RANBP17: variants seen among roughly 807,000 people sequenced by gnomAD.
RANBP17 encodes the protein RAN binding protein 17.
Under a neutral mutation model 141.2 loss-of-function variants are expected in RANBP17, and 158 were observed. The ratio of observed to expected loss-of-function variants is 1.12; its 90% CI spans 0.98 to 1.28. The LOEUF is 1.28. Ranked by LOEUF, RANBP17 falls within the 50% of genes most tolerant of loss-of-function variation. RANBP17 has a pLI of 0.00. For missense variants in RANBP17, 1,438 were observed against 1,290.7 expected, an observed-to-expected ratio of 1.11 and a Z score of -1.75; for synonymous variants, 430 against 450.0, an observed-to-expected ratio of 0.96 and a Z score of 0.56.
chr5:170,935,839 T>G (rs1244400502), intron 12 of RANBP17, among the ~76,000 whole-genome samples: 3 of 152,210 alleles, frequency 2.0e-5, no homozygotes, highest in African/African-American at 7.2e-5. Context: ...CAGGGACGTT[T>G]AAGTCTGCAG....
intron 24 of RANBP17, among the ~76,000 whole-genome samples, chr5:171,263,102 C>A (rs542152582): frequency 4.6e-5 from 7 of 152,310 alleles, no homozygotes; most frequent in African/African-American, 1.7e-4. Context: ...GCTACTCATT[C>A]TTTAATTAAT....
intron 14 of RANBP17, chr5:170,968,710 T>C: frequency 4.3e-6 from 2 of 461,818 alleles, no homozygotes; most frequent in South Asian, 3.1e-5. Flanking sequence ...GTTCCAGGGT[T>C]TTTTGGACAC....
At chr5:171,190,064 C>T (rs546525704) in intron 18 of RANBP17, among the ~76,000 whole-genome samples, 34 of 152,018 alleles carry the variant, frequency 2.2e-4, no homozygotes, top group Non-Finnish European at 4.6e-4. Context: ...CACCTACTTT[C>T]TTGCAAAAGT....
At chr5:170,920,474 A>C (rs1772349312) in intron 11 of RANBP17, among the ~76,000 whole-genome samples, 1 of 151,096 alleles carries the variant, frequency 6.6e-6, no homozygotes, top group Non-Finnish European at 1.5e-5. Flanking sequence ...GTGCTAGTCA[A>C]ATCCATTTCC....
At chr5:171,064,851 A>G (rs1349503620) in intron 14 of RANBP17, among the ~76,000 whole-genome samples, 5 of 152,090 alleles carry the variant, frequency 3.3e-5, no homozygotes, top group Non-Finnish European at 7.4e-5. Context: ...GGATTTCTAT[A>G]GGTTGATTTT....
chr5:171,043,700 A>G (rs1782393434), intron 14 of RANBP17, among the ~76,000 whole-genome samples: 1 of 152,178 alleles, frequency 6.6e-6, no homozygotes, highest in Non-Finnish European at 1.5e-5. Context: ...CTTTATATGT[A>G]TGTAACTAGA....
chr5:171,281,540 G>A (rs1767862414), intron 25 of RANBP17, among the ~76,000 whole-genome samples: 2 of 152,136 alleles, frequency 1.3e-5, no homozygotes, highest in Admixed American at 6.6e-5. Flanking sequence ...CATGAGCCCT[G>A]AAGGCCGCAG....
intron 14 of RANBP17, among the ~76,000 whole-genome samples, chr5:171,110,442 A>G (rs528415477): frequency 6.6e-6 from 1 of 152,024 alleles, no homozygotes. Flanking sequence ...CTCACCGTTC[A>G]CTAGCCCTTT....
intron 14 of RANBP17, among the ~76,000 whole-genome samples, chr5:171,055,792 A>T (rs1783305462): frequency 6.7e-6 from 1 of 149,428 alleles, no homozygotes. Context: ...TTGGCTCTGT[A>T]AGTCAAGTTT....
At chr5:170,987,242 A>C (rs946099190) in intron 14 of RANBP17, among the ~76,000 whole-genome samples, 19 of 151,772 alleles carry the variant, frequency 1.3e-4, no homozygotes, top group African/African-American at 4.3e-4. Context: ...CTTGATTGTT[A>C]CAGAATAATG....
chr5:171,213,594 T>C lies in RANBP17; in HGVS notation c.2232-37T>C, dbSNP rs146597266. On this transcript the variant is annotated intron_variant, in intron 20 of 27. Transcript: ENST00000523189. ...CACTAATTTTCAGAAACAGTATTTC[T>C]TTAGACCCTTAAATTCTTTAACAGG... 21 of 1,446,032 alleles carry C rather than the reference T, an allele frequency of 1.5e-5. 1 individual carries two copies. Among genetic ancestry groups the C allele is most frequent in the Middle Eastern group, 1.7e-4 (1 of 5,756 alleles). The allele number at this position is 1,446,032 out of a possible 1,614,324, so 89.6% of individuals were successfully genotyped here.
chr5:170,974,905 C>G (rs970050910), intron 14 of RANBP17, among the ~76,000 whole-genome samples: 6 of 152,158 alleles, frequency 3.9e-5, no homozygotes, highest in Non-Finnish European at 8.8e-5. Context: ...TGCTAGGGTC[C>G]TGTGAGTACC....
Position 171,264,858 on chromosome 5 carries a change from A to T in RANBP17, c.2777-823A>T, listed in dbSNP as rs141160749. 4.6e-3 allele frequency among the ~76,000 whole-genome samples: 700 copies of T among 152,286 alleles called. 5 individuals are homozygous for T. Among genetic ancestry groups the T allele is most frequent in the African/African-American group, 0.016 (667 of 41,560 alleles). On this transcript the variant is annotated intron_variant, in intron 24 of 27. Transcript: ENST00000523189. ...TGCCTTGTGCTAATCCCTCTACCTG[A>T]AAAGTGTCCTTCCTTATGTCTAATT...
At chr5:171,162,805 C>A (rs907862834) in intron 14 of RANBP17, among the ~76,000 whole-genome samples, 1 of 152,064 alleles carries the variant, frequency 6.6e-6, no homozygotes, top group Non-Finnish European at 1.5e-5. Flanking sequence ...CAGCAGGCAG[C>A]CCTGCACCCC....
At chr5:170,882,322 C>T (rs1167145324) in intron 3 of RANBP17, among the ~76,000 whole-genome samples, 11 of 152,090 alleles carry the variant, frequency 7.2e-5, no homozygotes, top group East Asian at 1.9e-4. Context: ...CCTCGTGATC[C>T]GCCCTCCTTG....
intron 4 of RANBP17, 104 bp downstream of exon 4, chr5:170,892,657 C>G: frequency 1.3e-6 from 1 of 750,490 alleles, no homozygotes; most frequent in Non-Finnish European, 2.1e-6. Context: ...ACTACCAGTA[C>G]CATGTTAATT....
At chr5:171,241,535 T>C (rs971820442) in intron 23 of RANBP17, among the ~76,000 whole-genome samples, 1 of 152,116 alleles carries the variant, frequency 6.6e-6, no homozygotes, top group Non-Finnish European at 1.5e-5. Flanking sequence ...CTTCCACCTT[T>C]ATAAACTAAT....
At chr5:170,983,303 C>G (rs1777901470) in intron 14 of RANBP17, 1 of 254,086 alleles carries the variant, frequency 3.9e-6, no homozygotes, top group South Asian at 1.1e-4. Flanking sequence ...TACTTGCTGT[C>G]TTGGACCAGG....
At chr5:170,960,962 T>A (rs1008691665) in intron 13 of RANBP17, among the ~76,000 whole-genome samples, 38 of 152,312 alleles carry the variant, frequency 2.5e-4, no homozygotes, top group Middle Eastern at 3.4e-3. Flanking sequence ...GCCAGGATGA[T>A]CTCAAACTCC....
Sources: gnomAD v4.1 joint callset for allele counts (sites outside exome capture counted in the v4.1 genomes callset) on GRCh38, gnomAD v4.1.1 for gene constraint, MANE v1.5 for transcripts, NCBI Gene and HGNC (gene_info 2026-07-23, HGNC 2026-07-21) for gene names.